Variants in SYNJ2 observed in about 807,000 individuals in gnomAD.
SYNJ2 encodes the protein synaptojanin 2.
In SYNJ2, 116 loss-of-function variants were observed where a neutral mutation model predicts 141.3. The observed-to-expected ratio is 0.82, with a 90% CI of 0.71 to 0.96. SYNJ2 has a LOEUF of 0.96. Among genes scored for constraint, SYNJ2 ranks in the 40% least tolerant of loss-of-function variants. The pLI is 0.00. For missense variants in SYNJ2, 1,873 were observed against 1,934.8 expected, an observed-to-expected ratio of 0.97 and a Z score of 0.60; for synonymous variants, 745 against 777.7, an observed-to-expected ratio of 0.96 and a Z score of 0.70.
intron 1 of SYNJ2, among the ~76,000 whole-genome samples, chr6:157,994,467 C>G (rs1583288486): frequency 6.6e-6 from 1 of 152,184 alleles, no homozygotes; most frequent in South Asian, 2.1e-4. Flanking sequence ...AAAACTAAGG[C>G]TGGAGCTGCC....
intron 7 of SYNJ2, among the ~76,000 whole-genome samples, chr6:158,060,240 G>A (rs767399575): frequency 1.3e-5 from 2 of 152,080 alleles, no homozygotes; most frequent in African/African-American, 2.4e-5. Context: ...TTTTCCTGGC[G>A]ATCCTGGACA....
Position 158,081,467 on chromosome 6 carries a change from A to T in SYNJ2, c.2822A>T (p.Asp941Val), listed in dbSNP as rs531752692. ...GGGCAGATGCTGGTAACTTTTGCAG[A>T]CAGTCACTCGGCTCTCAGTGTCCTG... is the stretch of plus-strand genomic sequence containing the variant. ...NQGQMLVTFA[D>V]SHSALSVLDV... Residue 941 changes from aspartate (D) to valine (V), a missense_variant, in exon 20 of 27, where the codon GAC (aspartate) becomes GTC (valine). Transcript: ENST00000355585. 1.9e-6 allele frequency: 3 copies of T among 1,613,876 alleles called. No individual in the cohort carries two copies. Among genetic ancestry groups the T allele is most frequent in the Non-Finnish European group, 2.5e-6 (3 of 1,180,008 alleles).
intron 11 of SYNJ2, 150 bp from the exon 12 acceptor site, chr6:158,066,294 C>T: frequency 2.4e-6 from 2 of 850,372 alleles, no homozygotes; most frequent in South Asian, 3.5e-5. Flanking sequence ...TGGTTTTAAG[C>T]CTTTTGTCGT....
Position 158,078,268 on chromosome 6 carries a change from G to A in SYNJ2, c.2554G>A (p.Ala852Thr). Residue 852 changes from alanine (A) to threonine (T), a missense_variant, in exon 18 of 27, where the codon GCG becomes ACG. Transcript: ENST00000355585. ...LQYYGRAELQASDHRPVLAIV... is the reference protein window; with the variant it reads ...LQYYGRAELQTSDHRPVLAIV... ...GTATTATGGTCGTGCGGAGCTACAAGCGTCTGATCACAGGTGAGGTCCTGA... is the reference window on the plus strand; with the variant it reads ...GTATTATGGTCGTGCGGAGCTACAAACGTCTGATCACAGGTGAGGTCCTGA... The A allele has an allele frequency of 6.2e-7, 1 of 1,613,056 alleles. No individual in the cohort carries two copies.
chr6:158,031,185 T>A (rs1779340637), intron 3 of SYNJ2, among the ~76,000 whole-genome samples: 1 of 152,186 alleles, frequency 6.6e-6, no homozygotes, highest in Non-Finnish European at 1.5e-5. Flanking sequence ...TTATGAGGTA[T>A]CTTTGTGTGG....
chr6:158,010,468 A>G (rs909450632), intron 1 of SYNJ2, among the ~76,000 whole-genome samples: 13 of 152,264 alleles, frequency 8.5e-5, no homozygotes, highest in South Asian at 6.2e-4. Context: ...GATACATCAG[A>G]AGGGTCGGGG....
Position 158,088,649 on chromosome 6 carries a change from G to A in SYNJ2, c.3344-11G>A. 6.2e-7 allele frequency: 1 copy of A among 1,609,508 alleles called. No homozygotes were observed. ...CTGAGATTGAGACTCTGCCCTCGTT[G>A]GTTTTTACAGCCGGTTTAATGGTGA... On this transcript the variant is annotated splice_polypyrimidine_tract_variant and intron_variant, in intron 23 of 26. Transcript: ENST00000355585.
chr6:158,071,721 C>G lies in SYNJ2; in HGVS notation c.2060C>G (p.Thr687Arg). ...TTCTGCTTCATATGTAGTCACCTGA[C>G]GGCCGGGCAGTCCCAGGTGAAGGAG... ...TSFCFICSHLTAGQSQVKERN... is the reference protein window; with the variant it reads ...TSFCFICSHLRAGQSQVKERN... The change falls in exon 15 of 27, where the codon ACG (threonine) becomes AGG (arginine). Residue 687 changes from threonine (T) to arginine (R), a missense_variant. Physicochemically the swap from Thr to Arg is moderately conservative, Grantham distance 71. Coordinates refer to ENST00000355585, the MANE Select transcript of SYNJ2 (RefSeq NM_003898.4). The surrounding 1 kb of genome is among the most constrained non-coding windows in gnomAD (Gnocchi z 4.3). 6.2e-7 allele frequency: 1 copy of G among 1,614,088 alleles called. No individual in the cohort carries two copies. Among genetic ancestry groups the G allele is most frequent in the African/African-American group, 1.3e-5 (1 of 75,064 alleles).
intron 23 of SYNJ2, among the ~76,000 whole-genome samples, chr6:158,088,399 A>T (rs1272881868): frequency 1.3e-5 from 2 of 152,088 alleles, no homozygotes; most frequent in Non-Finnish European, 2.9e-5. Context: ...ATCCCCCAAG[A>T]TGTTAAAGTT....
intron 1 of SYNJ2, among the ~76,000 whole-genome samples, chr6:157,997,461 A>G (rs554378021): frequency 6.6e-6 from 1 of 152,330 alleles, no homozygotes; most frequent in South Asian, 2.1e-4. Context: ...AGACAGCCAT[A>G]TGACAATGGA....
chr6:158,059,522 C>G (rs1028865682), intron 7 of SYNJ2, 169 bp downstream of exon 7: 1 of 1,406,956 alleles, frequency 7.1e-7, no homozygotes, highest in Non-Finnish European at 9.2e-7. Flanking sequence ...TGCTCAGTGA[C>G]TCGGGCCCTG....
chr6:157,994,280 CA>C (rs2128316832), intron 1 of SYNJ2, among the ~76,000 whole-genome samples: 1 of 152,316 alleles, frequency 6.6e-6, no homozygotes, highest in African/African-American at 2.4e-5. Context: ...GCTGATTCAG[CA>C]AAGCTGAGGT....
chr6:158,067,460 T>G (rs900523460), intron 12 of SYNJ2: 1 of 985,272 alleles, frequency 1.0e-6, no homozygotes, highest in Non-Finnish European at 1.2e-6. Context: ...ACACCTCACC[T>G]TTTATCTTGT....
intron 2 of SYNJ2, among the ~76,000 whole-genome samples, chr6:158,020,478 A>G (rs553160438): frequency 3.4e-4 from 48 of 139,796 alleles, no homozygotes; most frequent in African/African-American, 5.2e-4. Context: ...CTCCATCTGT[A>G]TGACTGACCT....
chr6:158,019,403 G>A (rs546330869), intron 2 of SYNJ2, among the ~76,000 whole-genome samples: 1 of 152,358 alleles, frequency 6.6e-6, no homozygotes, highest in African/African-American at 2.4e-5. Flanking sequence ...CCATCCCAGG[G>A]GAAAAGTGTT....
chr6:158,054,015 C>T (rs1478188099), intron 5 of SYNJ2, among the ~76,000 whole-genome samples: 1 of 150,588 alleles, frequency 6.6e-6, no homozygotes, highest in African/African-American at 2.4e-5. Flanking sequence ...TCCATTCAGT[C>T]GCCCATCTAT....
rs1441532649 is a variant in SYNJ2 at position 158,093,050 on chromosome 6, G to C, written c.3690G>C (p.Arg1230=). Residue 1230 remains arginine (R), a synonymous_variant, in exon 26 of 27, where the codon CGG becomes CGC. Transcript: ENST00000355585. Reference sequence around the variant, plus strand: ...AGGCGCCCCCACTCCTTCCCCGTCGGCCCCCACCCAGAGTTCCTGCCATCA... The same window carrying C: ...AGGCGCCCCCACTCCTTCCCCGTCGCCCCCCACCCAGAGTTCCTGCCATCA... The part of the protein sequence containing the change: ...TPQAPPLLPR[R]PPPRVPAIKK... 6.2e-7 allele frequency: 1 copy of C among 1,608,586 alleles called. No homozygotes were observed. The highest frequency in any genetic ancestry group is 8.5e-7 in the Non-Finnish European group (1 of 1,178,694).
chr6:157,981,984 G>C lies in SYNJ2; in HGVS notation c.23G>C (p.Arg8Pro). The C allele has an allele frequency of 7.8e-7, 1 of 1,274,930 alleles. No homozygotes were observed. The highest frequency in any genetic ancestry group is 9.9e-7 in the Non-Finnish European group (1 of 1,010,998). 79.0% of individuals were successfully genotyped at this position (1,274,930 alleles called of 1,614,324 possible). ...CTCATGGCCCTGAGCAAAGGGCTGC[G>C]GCTGCTGGGGCGCCTGGGGGCCGAG... is the stretch of plus-strand genomic sequence containing the variant. MALSKGLRLLGRLGAEGD... is the reference protein window; with the variant it reads MALSKGLPLLGRLGAEGD... Residue 8 changes from arginine to proline, a missense_variant, in exon 1 of 27, where the codon CGG becomes CCG. Coordinates refer to ENST00000355585, the MANE Select transcript of SYNJ2 (RefSeq NM_003898.4). The surrounding 1 kb of genome is among the most constrained non-coding windows in gnomAD (Gnocchi z 6.4).
At chr6:157,984,042 C>T (rs770725833) in intron 1 of SYNJ2, among the ~76,000 whole-genome samples, 1 of 152,052 alleles carries the variant, frequency 6.6e-6, no homozygotes, top group African/African-American at 2.4e-5. Context: ...TACTATGTTG[C>T]CCATGCTGTT....
Sources: gnomAD v4.1 joint callset for allele counts (sites outside exome capture counted in the v4.1 genomes callset) on GRCh38, gnomAD v4.1.1 for gene constraint, Gnocchi (gnomAD v3.1) non-coding constraint, MANE v1.5 for transcripts, NCBI Gene and HGNC (gene_info 2026-07-23, HGNC 2026-07-21) for gene names.